The following KLHL29 variants were observed in gnomAD, a reference collection of about 807,000 sequenced individuals.
The protein encoded by KLHL29 is kelch like family member 29, also known as kelch-like protein 29.
KLHL29 carries 21 observed loss-of-function variants against 80.4 expected under a neutral mutation model. That is an observed-to-expected ratio of 0.26 (90% confidence interval 0.19 to 0.38). KLHL29 has a LOEUF of 0.38. Among genes scored for constraint, KLHL29 ranks in the 10% least tolerant of loss-of-function variants. KLHL29 has a pLI of 1.00. For synonymous variants in KLHL29, 511 were observed against 526.8 expected (o/e 0.97, Z 0.41); for missense variants, 867 against 1,223.9 (o/e 0.71, Z 4.35).
chr2:23,552,778 T>TTTTTTTTTTTTTTTTTTTTA (rs1667162986), intron 2 of KLHL29, among the ~76,000 whole-genome samples: 1 of 147,998 alleles, frequency 6.8e-6, no homozygotes, highest in African/African-American at 2.5e-5. Context: ...TTTTTTTTTT[T>TTTTTTTTTTTTTTTTTTTTA]GAGATGGCGT....
chr2:23,403,897 G>C (rs990128612), intron 1 of KLHL29, among the ~76,000 whole-genome samples: 1 of 152,068 alleles, frequency 6.6e-6, no homozygotes, highest in Non-Finnish European at 1.5e-5. Context: ...GAAGAGGTGG[G>C]GGGTAGCTGT....
intron 3 of KLHL29, among the ~76,000 whole-genome samples, chr2:23,581,395 A>G (rs1667976719): frequency 6.6e-6 from 1 of 152,192 alleles, no homozygotes; most frequent in African/African-American, 2.4e-5. Context: ...GTTGAGGATG[A>G]ACCTCTGGGA....
At chr2:23,399,166 C>T (rs905644160) in intron 1 of KLHL29, among the ~76,000 whole-genome samples, 5 of 152,246 alleles carry the variant, frequency 3.3e-5, no homozygotes, top group African/African-American at 4.8e-5. Context: ...CTTTATAGTT[C>T]AGGAGAGCAT....
intron 3 of KLHL29, among the ~76,000 whole-genome samples, chr2:23,623,681 T>C (rs568280532): frequency 2.6e-5 from 4 of 152,048 alleles, no homozygotes; most frequent in Non-Finnish European, 5.9e-5. Flanking sequence ...GCTGTGTGGG[T>C]TTCTGTGGAA....
intron 1 of KLHL29, among the ~76,000 whole-genome samples, chr2:23,402,780 GTTAT>G (rs1383925596): frequency 6.6e-6 from 1 of 152,062 alleles, no homozygotes; most frequent in African/African-American, 2.4e-5. Flanking sequence ...TGTAAGTTTG[GTTAT>G]TTGAGAGAAT....
intron 3 of KLHL29, among the ~76,000 whole-genome samples, chr2:23,583,976 C>CT (rs1668052575): frequency 6.6e-6 from 1 of 152,182 alleles, no homozygotes; most frequent in African/African-American, 2.4e-5. Flanking sequence ...TGTGCTTTGA[C>CT]TGTGTTATTG....
intron 1 of KLHL29, among the ~76,000 whole-genome samples, chr2:23,412,188 C>G (rs530396882): frequency 6.8e-6 from 1 of 147,388 alleles, no homozygotes; most frequent in African/African-American, 2.6e-5. Flanking sequence ...GACCACTGGG[C>G]TGGACAGTTC....
At position 23,642,736 on chromosome 2, in the gene KLHL29, A is replaced by G; in HGVS notation, c.826A>G (p.Ser276Gly). 1 of 1,549,990 alleles carries G rather than the reference A, an allele frequency of 6.5e-7. No individual in the cohort carries two copies. Among genetic ancestry groups the G allele is most frequent in the Non-Finnish European group, 8.7e-7 (1 of 1,146,710 alleles). ...PPAQPSATLP[S>G]GAPATNGPPT... Reference sequence around the variant, plus strand: ...AGCCCAGCCGTCCGCCACTCTCCCCAGTGGTGCCCCTGCCACCAATGGGCC... The same window carrying G: ...AGCCCAGCCGTCCGCCACTCTCCCCGGTGGTGCCCCTGCCACCAATGGGCC... Residue 276 changes from serine to glycine, a missense_variant, in exon 5 of 14, where the codon AGT becomes GGT. Transcript: ENST00000486442.
chr2:23,439,896 A>G (rs1663461861), intron 1 of KLHL29, among the ~76,000 whole-genome samples: 6 of 151,944 alleles, frequency 3.9e-5, no homozygotes, highest in Middle Eastern at 6.8e-3. Flanking sequence ...GATCTGTCTA[A>G]TGTTGACAGT....
At chr2:23,401,690 G>A (rs909058093) in intron 1 of KLHL29, among the ~76,000 whole-genome samples, 4 of 152,218 alleles carry the variant, frequency 2.6e-5, no homozygotes, top group Admixed American at 6.5e-5. Flanking sequence ...AGTAGTGGGA[G>A]GGGCAGGAAG....
intron 3 of KLHL29, among the ~76,000 whole-genome samples, chr2:23,601,702 C>T (rs1668576049): frequency 6.6e-6 from 1 of 152,174 alleles, no homozygotes; most frequent in Non-Finnish European, 1.5e-5. Context: ...CAGTGAGAAG[C>T]GTGAGGGCAC....
At chr2:23,500,011 C>A (rs1665392069) in intron 2 of KLHL29, among the ~76,000 whole-genome samples, 1 of 152,186 alleles carries the variant, frequency 6.6e-6, no homozygotes, top group Non-Finnish European at 1.5e-5. Context: ...GTATGACCCT[C>A]CTTAGACCTG....
At chr2:23,670,917 G>GCGCGCGCT (rs150131401) in intron 5 of KLHL29, among the ~76,000 whole-genome samples, 3 of 18,568 alleles carry the variant, frequency 1.6e-4, no homozygotes, top group African/African-American at 3.2e-4. Context: ...ACATGCACGC[G>GCGCGCGCT]CTCTCTCTCT....
chr2:23,514,793 A>G (rs1665872823), intron 2 of KLHL29, among the ~76,000 whole-genome samples: 2 of 152,240 alleles, frequency 1.3e-5, no homozygotes, highest in Non-Finnish European at 2.9e-5. Context: ...TCATGAAAAT[A>G]GACCACGCTC....
At chr2:23,542,759 C>T (rs1302153452) in intron 2 of KLHL29, among the ~76,000 whole-genome samples, 3 of 152,226 alleles carry the variant, frequency 2.0e-5, no homozygotes, top group African/African-American at 7.2e-5. Flanking sequence ...AGTTGCTCAG[C>T]CCCGGGGAGT....
chr2:23,666,047 C>G (rs1275268146), intron 5 of KLHL29, among the ~76,000 whole-genome samples: 1 of 152,176 alleles, frequency 6.6e-6, no homozygotes, highest in Admixed American at 6.5e-5. Context: ...TGTAAAGTCA[C>G]AAGGACAACT....
intron 1 of KLHL29, among the ~76,000 whole-genome samples, chr2:23,420,711 C>G (rs1662774100): frequency 6.6e-6 from 1 of 152,202 alleles, no homozygotes; most frequent in African/African-American, 2.4e-5. Flanking sequence ...GGACCTTGTG[C>G]TGGCCGCCTT....
chr2:23,490,041 A>G (rs1026216076), intron 2 of KLHL29, among the ~76,000 whole-genome samples: 4 of 152,246 alleles, frequency 2.6e-5, no homozygotes, highest in Admixed American at 2.6e-4. Context: ...TTGAATGGAA[A>G]GATCATTCAC....
rs556711970 is a variant in KLHL29, at chr2:23,400,760, C to T, written c.-154+14980C>T. On this transcript the variant is annotated intron_variant, in intron 1 of 13. Coordinates refer to ENST00000486442, the MANE Select transcript of KLHL29 (RefSeq NM_052920.2). ...GAGGCAGGGGCAGAAGGATTAACCT[C>T]CTGGTTAAGGGTGCAATGAGCCAAG... Among the ~76,000 whole-genome samples the T allele has an allele frequency of 3.9e-5, 6 of 152,282 alleles. No individual in the cohort carries two copies. The South Asian group carries it at 1.2e-3, about 32-fold the overall frequency.
Sources: gnomAD v4.1 joint callset for allele counts (sites outside exome capture counted in the v4.1 genomes callset) on GRCh38, gnomAD v4.1.1 for gene constraint, MANE v1.5 for transcripts, NCBI Gene and HGNC (gene_info 2026-07-23, HGNC 2026-07-21) for gene names.